ZCCHC14: variants seen among roughly 807,000 people sequenced by gnomAD.
ZCCHC14 encodes the protein zinc finger CCHC domain-containing protein 14.
ZCCHC14 carries 16 observed loss-of-function variants against 85.0 expected under a neutral mutation model. The observed-to-expected ratio is 0.19, with a 90% CI of 0.13 to 0.29. The LOEUF is 0.29. ZCCHC14 is among the 10% of genes least tolerant of loss of function. ZCCHC14 has a pLI of 1.00. For missense variants in ZCCHC14, 1,303 were observed against 1,443.5 expected, an observed-to-expected ratio of 0.90 and a Z score of 1.58; for synonymous variants, 775 against 630.7, an observed-to-expected ratio of 1.23 and a Z score of -3.43.
intron 2 of ZCCHC14, among the ~76,000 whole-genome samples, chr16:87,450,562 T>C (rs1391265168): frequency 2.0e-5 from 3 of 151,248 alleles, no homozygotes; most frequent in Non-Finnish European, 4.4e-5. Context: ...AAGCTGATAA[T>C]AGATTCTTTT....
rs1912845319 is a variant in ZCCHC14 at position 87,492,914 on chromosome 16, GCGGCGGCGACGGCGACGGCGA to G, written c.-697_-677del. 7.0e-6 allele frequency among the ~76,000 whole-genome samples: 1 copy of G among 142,620 alleles called. No individual in the cohort carries two copies. The highest frequency in any genetic ancestry group is 2.1e-4 in the South Asian group (1 of 4,664). The allele number at this position is 142,620 out of a possible 152,430, so 93.6% of individuals were successfully genotyped here. A position where few individuals can be genotyped will look rare whatever the true frequency, so the allele number is the denominator to read the frequency against. ...GACGGATCCGGGCCCGAGCGCGGCG[GCGGCGGCGACGGCGACGGCGA>G]CGGCGACGGCGACGGCGGAGGAGGC... On this transcript the variant is annotated 5_prime_UTR_variant, in exon 1 of 13. Transcript: ENST00000671377. The surrounding 1 kb of genome is among the most constrained non-coding windows in gnomAD (Gnocchi z 6.7).
chr16:87,414,576 C>T, intron 9 of ZCCHC14, 35 bp from the exon 10 acceptor site: 3 of 1,590,380 alleles, frequency 1.9e-6, no homozygotes, highest in Non-Finnish European at 2.6e-6. Context: ...CAAGTGAGCA[C>T]TGCCTACTGG....
intron 2 of ZCCHC14, among the ~76,000 whole-genome samples, chr16:87,436,953 A>G (rs1310538743): frequency 6.6e-6 from 1 of 152,166 alleles, no homozygotes; most frequent in African/African-American, 2.4e-5. Context: ...GACACTCATT[A>G]CAACCCACTT....
chr16:87,467,649 C>T (rs1002669665), intron 1 of ZCCHC14: 12 of 946,622 alleles, frequency 1.3e-5, no homozygotes, highest in African/African-American at 1.1e-4. Context: ...TTTCCCTGGT[C>T]GAACGGTTTC....
chr16:87,414,943 G>A (rs1441219176), intron 9 of ZCCHC14, among the ~76,000 whole-genome samples: 2 of 152,162 alleles, frequency 1.3e-5, no homozygotes, highest in African/African-American at 4.8e-5. Flanking sequence ...TTAGCCAGGC[G>A]TGGTGGCGGG....
chr16:87,437,152 C>T (rs1909964079), intron 2 of ZCCHC14, among the ~76,000 whole-genome samples: 1 of 151,856 alleles, frequency 6.6e-6, no homozygotes, highest in Non-Finnish European at 1.5e-5. Context: ...GCCTGACCAA[C>T]ATGGAGAAAC....
chr16:87,468,288 T>C lies in ZCCHC14; in HGVS notation c.571-8157A>G, dbSNP rs141662329. 6.3e-3 allele frequency among the ~76,000 whole-genome samples: 958 copies of C among 152,218 alleles called. 22 individuals carry two copies. In the East Asian group the frequency reaches 0.068, roughly 11 times the overall value. ...TGGTATTCAGTATCCCACTGGCCAA[T>C]GGTAAGGATTTTATTTAACATTTTA... On this transcript the variant is annotated intron_variant, in intron 1 of 12. Coordinates refer to ENST00000671377, the MANE Select transcript of ZCCHC14 (RefSeq NM_015144.3).
chr16:87,423,584 G>A (rs1404380905), intron 4 of ZCCHC14, among the ~76,000 whole-genome samples: 3 of 152,148 alleles, frequency 2.0e-5, no homozygotes, highest in Non-Finnish European at 4.4e-5. Context: ...CCTCATCTCA[G>A]TCTCAACAAG....
chr16:87,419,772 T>G lies in ZCCHC14; in HGVS notation c.1045+11A>C. The G allele has an allele frequency of 5.1e-6, 8 of 1,577,686 alleles. No individual in the cohort carries two copies. The highest frequency in any genetic ancestry group is 2.8e-5 in the African/African-American group (2 of 72,492). On this transcript the variant is annotated intron_variant, in intron 6 of 12. Transcript: ENST00000671377. ...TTTTAATTTATATTTAACCATATTT[T>G]ACAAACTCACTTGGACTCTGAAGCT...
At chr16:87,445,748 G>A (rs756019208) in intron 2 of ZCCHC14, among the ~76,000 whole-genome samples, 1 of 152,270 alleles carries the variant, frequency 6.6e-6, no homozygotes, top group East Asian at 1.9e-4. Context: ...CTGAAGACCA[G>A]GGCAAAACCA....
chr16:87,417,539 T>C lies in ZCCHC14; in HGVS notation c.1304A>G (p.Gln435Arg). The C allele has an allele frequency of 6.2e-7, 1 of 1,614,278 alleles. No homozygotes were observed. Reference sequence around the variant, plus strand: ...CCTAAGCCAGTCTAGAATCCCATTCTGCTCCTGGGTCTGAGGGGTCTGCAG... The same window carrying C: ...CCTAAGCCAGTCTAGAATCCCATTCCGCTCCTGGGTCTGAGGGGTCTGCAG... Reference protein sequence around the residue: ...SSLQTPQTQEQNGILDWLRKL... With the variant: ...SSLQTPQTQERNGILDWLRKL... The change falls in exon 8 of 13, where the codon CAG becomes CGG. Residue 435 changes from glutamine (Q) to arginine (R), a missense_variant. Physicochemically the swap from Gln to Arg is conservative, Grantham distance 43. Around this residue, in one of 7 missense-constraint regions of ZCCHC14, gnomAD observed 389 missense variants for 397.8 expected, o/e 0.98. Transcript: ENST00000671377.
chr16:87,417,857 C>T (rs1208249844), intron 7 of ZCCHC14, 115 bp from the exon 8 acceptor site: 2 of 1,321,202 alleles, frequency 1.5e-6, no homozygotes, highest in Admixed American at 5.7e-5. Context: ...TTGGCCGGCC[C>T]TGTTGTCACA....
intron 2 of ZCCHC14, among the ~76,000 whole-genome samples, chr16:87,454,663 A>G (rs1480736547): frequency 6.6e-6 from 1 of 152,262 alleles, no homozygotes; most frequent in Non-Finnish European, 1.5e-5. Context: ...TGGAAATTCC[A>G]ATTTTCAGGA....
In ZCCHC14 at chr16:87,412,123, G is replaced by T; in HGVS notation, c.2598C>A (p.Pro866=). ...CGGAGGACAGCGCCGGGCTGGAGCT[G>T]GGGGCTGGGCAGCTGGGCAACGTGG... ...NMATLPSCPA[P]SSSPALSSVP... The change falls in exon 12 of 13, where the codon CCC becomes CCA. Residue 866 remains proline, a synonymous_variant. Coordinates refer to ENST00000671377, the MANE Select transcript of ZCCHC14 (RefSeq NM_015144.3). 1 of 1,613,704 alleles carries T rather than the reference G, an allele frequency of 6.2e-7. No homozygotes were observed. Among genetic ancestry groups the T allele is most frequent in the South Asian group, 1.1e-5 (1 of 91,084 alleles).
At chr16:87,467,547 A>C (rs1555524456) in intron 1 of ZCCHC14, 1 of 1,589,396 alleles carries the variant, frequency 6.3e-7, no homozygotes, top group Non-Finnish European at 8.6e-7. Context: ...GCCTATTTTT[A>C]ATGTCATCCC....
intron 10 of ZCCHC14, among the ~76,000 whole-genome samples, chr16:87,413,570 A>C (rs1427088449): frequency 1.3e-5 from 2 of 150,062 alleles, no homozygotes; most frequent in African/African-American, 2.4e-5. Context: ...CCATCCTGCC[A>C]GGTTTTTTTT....
chr16:87,486,263 C>T (rs979491510), intron 1 of ZCCHC14, among the ~76,000 whole-genome samples: 3 of 152,136 alleles, frequency 2.0e-5, no homozygotes, highest in Non-Finnish European at 2.9e-5. Context: ...CGGTCACGCA[C>T]TGCATAAGGA....
At chr16:87,477,717 G>A (rs532667362) in intron 1 of ZCCHC14, among the ~76,000 whole-genome samples, 3 of 152,228 alleles carry the variant, frequency 2.0e-5, no homozygotes, top group Admixed American at 6.5e-5. Context: ...AAATACATGC[G>A]ACACCCTCAG....
chr16:87,481,489 T>C (rs993440643), intron 1 of ZCCHC14, among the ~76,000 whole-genome samples: 1 of 128,260 alleles, frequency 7.8e-6, no homozygotes, highest in African/African-American at 3.0e-5. Context: ...GTGTGCCATG[T>C]ATGTGAGCAC....
Sources: allele counts gnomAD v4.1 joint callset (sites outside exome capture counted in the v4.1 genomes callset), GRCh38; gene constraint gnomAD v4.1.1; regional missense constraint gnomAD v4.1.1; non-coding constraint Gnocchi (gnomAD v3.1); transcripts MANE v1.5; gene names NCBI Gene and HGNC (gene_info 2026-07-23, HGNC 2026-07-21).